DENND1A: variants seen among roughly 807,000 people sequenced by gnomAD.
DENND1A encodes the protein DENN domain-containing protein 1A.
Under a neutral mutation model 113.7 loss-of-function variants are expected in DENND1A, and 51 were observed. That is an observed-to-expected ratio of 0.45 (90% CI 0.36 to 0.57). The LOEUF is 0.57. Ranked by LOEUF, DENND1A falls within the 20% of genes least tolerant of loss-of-function variation. The pLI is 0.00. For synonymous variants in DENND1A, 565 were observed against 570.8 expected, an observed-to-expected ratio of 0.99 and a Z score of 0.14; for missense variants, 1,258 against 1,395.9, an observed-to-expected ratio of 0.90 and a Z score of 1.57.
intron 9 of DENND1A, among the ~76,000 whole-genome samples, chr9:123,632,992 CT>C (rs1444182194): frequency 6.6e-6 from 1 of 152,174 alleles, no homozygotes; most frequent in African/African-American, 2.4e-5. Flanking sequence ...ACTACAACGT[CT>C]GCCTCCCAGG....
At chr9:123,616,860 G>C (rs763144023) in intron 10 of DENND1A, among the ~76,000 whole-genome samples, 18 of 152,372 alleles carry the variant, frequency 1.2e-4, no homozygotes, top group Admixed American at 4.6e-4. Flanking sequence ...CAAGAGGATA[G>C]AATAGATCTG....
intron 11 of DENND1A, among the ~76,000 whole-genome samples, chr9:123,592,341 G>A (rs115876648): frequency 7.2e-4 from 109 of 152,318 alleles, no homozygotes; most frequent in African/African-American, 2.5e-3. Context: ...TCTTGGCTAT[G>A]TCTCATATAA....
intron 5 of DENND1A, among the ~76,000 whole-genome samples, chr9:123,713,826 C>G (rs2066794856): frequency 6.6e-6 from 1 of 152,024 alleles, no homozygotes; most frequent in African/African-American, 2.4e-5. Context: ...AACAGAAACA[C>G]TGAAATTCAG....
At chr9:123,759,042 C>T (rs2070813926) in intron 4 of DENND1A, among the ~76,000 whole-genome samples, 4 of 152,184 alleles carry the variant, frequency 2.6e-5, no homozygotes, top group Admixed American at 6.5e-5. Context: ...ACCTCGTGAT[C>T]CACCTGCCTC....
At chr9:123,804,405 G>A (rs1490570357) in intron 2 of DENND1A, among the ~76,000 whole-genome samples, 1 of 152,114 alleles carries the variant, frequency 6.6e-6, no homozygotes. Context: ...CTTTCTTCAG[G>A]CGGCTTCCAA....
At chr9:123,524,114 A>G (rs2054614815) in intron 13 of DENND1A, among the ~76,000 whole-genome samples, 1 of 152,230 alleles carries the variant, frequency 6.6e-6, no homozygotes, top group Admixed American at 6.5e-5. Flanking sequence ...ACTGAATGCC[A>G]GGTCTTTATT....
At chr9:123,631,465 G>A (rs920014894) in intron 9 of DENND1A, among the ~76,000 whole-genome samples, 8 of 152,190 alleles carry the variant, frequency 5.3e-5, no homozygotes, top group African/African-American at 1.9e-4. Context: ...CCTTTGTAAT[G>A]TTTTGAAAAT....
intron 13 of DENND1A, among the ~76,000 whole-genome samples, chr9:123,515,523 G>A (rs1393702896): frequency 1.3e-5 from 2 of 152,090 alleles, no homozygotes; most frequent in East Asian, 3.8e-4. Flanking sequence ...GAAATACAAC[G>A]CACATTTGTA....
intron 13 of DENND1A, among the ~76,000 whole-genome samples, chr9:123,481,376 A>G (rs1015783183): frequency 5.9e-5 from 9 of 152,230 alleles, no homozygotes; most frequent in African/African-American, 2.2e-4. Flanking sequence ...AGGAAGCGGG[A>G]GCGGGAGGAA....
intron 1 of DENND1A, among the ~76,000 whole-genome samples, chr9:123,889,076 T>A (rs561387189): frequency 3.3e-5 from 5 of 151,930 alleles, no homozygotes; most frequent in South Asian, 2.1e-4. Flanking sequence ...AATATTTTTT[T>A]AAAATCATTC....
chr9:123,604,322 C>A (rs1005707326), intron 11 of DENND1A, among the ~76,000 whole-genome samples: 2 of 152,204 alleles, frequency 1.3e-5, no homozygotes, highest in African/African-American at 2.4e-5. Flanking sequence ...ATTCTCAAGG[C>A]TAGGGTCAGC....
At position 123,552,019 on chromosome 9, in the gene DENND1A, G is replaced by GAGAGAGAGAGAGAGAGAC. The variant is rs1564702870; in HGVS notation, c.993+5550_993+5551insGTCTCTCTCTCTCTCTCT. On this transcript the variant is annotated intron_variant, in intron 13 of 23. Coordinates refer to ENST00000394215, the MANE Select transcript of DENND1A (RefSeq NM_001352964.2). ...AGAGAGAGCGAGAGAGAGCGAGAGC[G>GAGAGAGAGAGAGAGAGAC]AGAGAGAGAGAGAGAGAGACAGAGA... is the stretch of plus-strand genomic sequence containing the variant. 9.6e-3 allele frequency among the ~76,000 whole-genome samples: 1,190 copies of GAGAGAGAGAGAGAGAGAC among 124,068 alleles called. 18 individuals carry two copies. Among genetic ancestry groups the GAGAGAGAGAGAGAGAGAC allele is most frequent in the African/African-American group, 0.017 (431 of 25,010 alleles). 81.4% of individuals were successfully genotyped at this position (124,068 alleles called of 152,430 possible). A position where few individuals can be genotyped will look rare whatever the true frequency, so the allele number is the denominator to read the frequency against.
At chr9:123,383,619 G>GC in intron 23 of DENND1A, 36 bp downstream of exon 23, 1 of 1,595,252 alleles carries the variant, frequency 6.3e-7, no homozygotes, top group Non-Finnish European at 8.5e-7. Context: ...GACAGTGCCG[G>GC]CCCCCGGCCG....
intron 21 of DENND1A, among the ~76,000 whole-genome samples, chr9:123,399,109 A>C (rs12348586): frequency 0.13 from 20,409 of 151,938 alleles, 1,415 homozygotes; most frequent in Admixed American, 0.18. Flanking sequence ...GCCTGCTTTT[A>C]ATAGGAGGGG....
At chr9:123,601,154 A>T (rs1262503574) in intron 11 of DENND1A, among the ~76,000 whole-genome samples, 1 of 152,220 alleles carries the variant, frequency 6.6e-6, no homozygotes, top group Non-Finnish European at 1.5e-5. Context: ...GATTCTCCTC[A>T]TCATTACTGA....
At chr9:123,425,599 A>G (rs1225468347) in intron 19 of DENND1A, among the ~76,000 whole-genome samples, 1 of 143,500 alleles carries the variant, frequency 7.0e-6, no homozygotes, top group Non-Finnish European at 1.5e-5. Flanking sequence ...GCCCGCACTC[A>G]TTCACCACTT....
chr9:123,428,772 T>A (rs1006970957), intron 19 of DENND1A, among the ~76,000 whole-genome samples: 1 of 152,196 alleles, frequency 6.6e-6, no homozygotes, highest in South Asian at 2.1e-4. Context: ...AGCCAAATCA[T>A]GAATGAACTC....
At chr9:123,925,126 G>A (rs542318235) in intron 1 of DENND1A, among the ~76,000 whole-genome samples, 1 of 152,186 alleles carries the variant, frequency 6.6e-6, no homozygotes, top group East Asian at 1.9e-4. Flanking sequence ...TGTATGCACC[G>A]TGAGGAGTGA....
At chr9:123,427,137 G>A (rs2045798515) in intron 19 of DENND1A, among the ~76,000 whole-genome samples, 1 of 152,214 alleles carries the variant, frequency 6.6e-6, no homozygotes, top group African/African-American at 2.4e-5. Context: ...AAACAAAAAG[G>A]GCACTTAGAG....
Sources: gnomAD v4.1 joint callset for allele counts (sites outside exome capture counted in the v4.1 genomes callset) on GRCh38, gnomAD v4.1.1 for gene constraint, MANE v1.5 for transcripts, NCBI Gene and HGNC (gene_info 2026-07-23, HGNC 2026-07-21) for gene names.